Variants in TBL1XR1 observed in about 807,000 individuals in gnomAD.
TBL1XR1 encodes F-box-like/WD repeat-containing protein TBL1XR1.
In TBL1XR1, 5 loss-of-function variants were observed where a neutral mutation model predicts 66.9. The observed-to-expected ratio is 0.07, with a 90% confidence interval of 0.04 to 0.16. The LOEUF (loss-of-function observed/expected upper bound fraction) is 0.16. Among genes scored for constraint, TBL1XR1 ranks in the 10% least tolerant of loss-of-function variants. The pLI is 1.00. For synonymous variants in TBL1XR1, 210 were observed against 206.0 expected (o/e 1.02, Z -0.17); for missense variants, 238 against 623.2 (o/e 0.38, Z 6.58).
At chr3:177,060,431 G>A (rs1718367864) in intron 3 of TBL1XR1, among the ~76,000 whole-genome samples, 1 of 152,108 alleles carries the variant, frequency 6.6e-6, no homozygotes, top group Admixed American at 6.5e-5. Context: ...TCAATTATAA[G>A]ATGCAACTGT....
At chr3:177,038,563 T>C in intron 10 of TBL1XR1, 129 bp from the exon 11 acceptor site, 1 of 841,464 alleles carries the variant, frequency 1.2e-6, no homozygotes, top group Non-Finnish European at 1.7e-6. Flanking sequence ...TTATACTTTT[T>C]AAGATATTAA....
chr3:177,163,891 A>G (rs1560248575), intron 1 of TBL1XR1: 1 of 152,270 alleles, frequency 6.6e-6, no homozygotes, highest in Non-Finnish European at 1.5e-5. Context: ...AAATGTATCA[A>G]TAGTTTAGAT....
chr3:177,123,012 T>G (rs1727165814), intron 1 of TBL1XR1, among the ~76,000 whole-genome samples: 3 of 152,224 alleles, frequency 2.0e-5, no homozygotes, highest in Admixed American at 2.0e-4. Flanking sequence ...TCCCCACATT[T>G]TGTCTTGTGT....
At chr3:177,196,049 C>G (rs1736809604) in intron 1 of TBL1XR1, among the ~76,000 whole-genome samples, 2 of 152,096 alleles carry the variant, frequency 1.3e-5, no homozygotes, top group Non-Finnish European at 2.9e-5. Context: ...AGCCACAACC[C>G]AAATTTTACA....
intron 2 of TBL1XR1, among the ~76,000 whole-genome samples, chr3:177,086,558 C>T (rs1217606108): frequency 1.3e-5 from 2 of 151,930 alleles, no homozygotes; most frequent in African/African-American, 2.4e-5. Context: ...GTTGGAGCAA[C>T]GGAAGTCTCT....
chr3:177,199,004 CT>C (rs1381968111), upstream of TBL1XR1, among the ~76,000 whole-genome samples: 2 of 152,226 alleles, frequency 1.3e-5, no homozygotes, highest in East Asian at 1.9e-4. Context: ...TCTTTCCCCC[CT>C]GAGCCCTTGC....
At chr3:177,042,886 GGA>G in intron 10 of TBL1XR1, among the ~76,000 whole-genome samples, 1 of 151,980 alleles carries the variant, frequency 6.6e-6, no homozygotes, top group African/African-American at 2.4e-5. Context: ...GAGCGAAGAA[GGA>G]TGCATTTATT....
chr3:177,148,587 T>C (rs1320403992), intron 1 of TBL1XR1, among the ~76,000 whole-genome samples: 1 of 152,024 alleles, frequency 6.6e-6, no homozygotes, highest in Non-Finnish European at 1.5e-5. Context: ...TGGTGCCGCA[T>C]GCCTGTAATT....
intron 2 of TBL1XR1, among the ~76,000 whole-genome samples, chr3:177,084,118 A>C (rs1035194494): frequency 3.9e-5 from 6 of 152,114 alleles, no homozygotes; most frequent in Non-Finnish European, 8.8e-5. Context: ...AAGAAAAGAA[A>C]AGAAAAAACT....
intron 2 of TBL1XR1, among the ~76,000 whole-genome samples, chr3:177,070,413 A>G (rs1160281993): frequency 6.6e-6 from 1 of 152,384 alleles, no homozygotes; most frequent in East Asian, 1.9e-4. Flanking sequence ...GGGAACAAAG[A>G]AGGACAAGAA....
chr3:177,077,724 C>T (rs1720868112), intron 2 of TBL1XR1, among the ~76,000 whole-genome samples: 1 of 152,214 alleles, frequency 6.6e-6, no homozygotes, highest in Non-Finnish European at 1.5e-5. Flanking sequence ...GTTTCAACTG[C>T]ACTTGTTGAA....
chr3:177,119,409 C>A (rs542931586), intron 1 of TBL1XR1, among the ~76,000 whole-genome samples: 2 of 152,096 alleles, frequency 1.3e-5, no homozygotes, highest in Non-Finnish European at 2.9e-5. Flanking sequence ...TTTTTCCAAT[C>A]GATGGCTGGA....
intron 14 of TBL1XR1, chr3:177,027,701 C>G (rs909524881): frequency 6.6e-6 from 1 of 152,218 alleles, no homozygotes; most frequent in African/African-American, 2.4e-5. Flanking sequence ...GAATGTTTGA[C>G]CGAGCTTTCC....
At chr3:177,044,277 G>T (rs1716014159) in intron 10 of TBL1XR1, among the ~76,000 whole-genome samples, 1 of 152,106 alleles carries the variant, frequency 6.6e-6, no homozygotes, top group South Asian at 2.1e-4. Context: ...TGAACAATGT[G>T]AGGGTTAGGA....
intron 2 of TBL1XR1, among the ~76,000 whole-genome samples, chr3:177,069,389 T>C (rs998125009): frequency 6.6e-6 from 1 of 152,022 alleles, no homozygotes; most frequent in Non-Finnish European, 1.5e-5. Context: ...CACATGATGT[T>C]TATTAAGACT....
chr3:177,071,031 G>GTTTTTTTTTTTTTTTTTTTTT lies in TBL1XR1; in HGVS notation c.-45-6010_-45-6009insAAAAAAAAAAAAAAAAAAAAA, dbSNP rs764951521. On this transcript the variant is annotated intron_variant, in intron 2 of 15. Transcript: ENST00000457928. ...TGGAACAGACATGTTCTGAGAATCT[G>GTTTTTTTTTTTTTTTTTTTTT]TTTTTTTTTTTTTTTTTGAGACAGA... Among the ~76,000 whole-genome samples, 59 of 104,678 alleles carry GTTTTTTTTTTTTTTTTTTTTT rather than the reference G, an allele frequency of 5.6e-4. 8 individuals are homozygous for GTTTTTTTTTTTTTTTTTTTTT. The highest frequency in any genetic ancestry group is 2.1e-3 in the African/African-American group (54 of 25,840). The allele number at this position is 104,678 out of a possible 152,430, so 68.7% of individuals were successfully genotyped here. A position where few individuals can be genotyped will look rare whatever the true frequency, so the allele number is the denominator to read the frequency against.
chr3:177,174,075 T>G (rs577165020), intron 1 of TBL1XR1, among the ~76,000 whole-genome samples: 2 of 152,288 alleles, frequency 1.3e-5, no homozygotes, highest in African/African-American at 4.8e-5. Context: ...TTCACGTGAC[T>G]ATTCTCAAAT....
Position 177,051,511 on chromosome 3 carries a change from A to G in TBL1XR1, c.420T>C (p.Thr140=). The G allele has an allele frequency of 5.6e-6, 9 of 1,607,264 alleles. No homozygotes were observed. The highest frequency in any genetic ancestry group is 5.9e-6 in the Non-Finnish European group (7 of 1,177,646). The change falls in exon 5 of 16, where the codon ACT becomes ACC. Residue 140 remains threonine, a synonymous_variant. Coordinates refer to ENST00000457928, the MANE Select transcript of TBL1XR1 (RefSeq NM_024665.7). The stretch of plus-strand genomic sequence containing the variant: ...ATTCTTGTCTGAGCTCACTTGCTAT[A>G]GTATGTGCTCCATTCTCCTCCCCAT... ...TANGEENGAH[T]IANNHTDMME...
intron 2 of TBL1XR1, among the ~76,000 whole-genome samples, chr3:177,072,312 T>C (rs763407867): frequency 6.6e-6 from 1 of 152,212 alleles, no homozygotes; most frequent in Non-Finnish European, 1.5e-5. Context: ...AAATTACTTT[T>C]ATGGTATTAC....
Sources: gnomAD v4.1 joint callset for allele counts (sites outside exome capture counted in the v4.1 genomes callset) on GRCh38, gnomAD v4.1.1 for gene constraint, MANE v1.5 for transcripts, NCBI Gene and HGNC (gene_info 2026-07-23, HGNC 2026-07-21) for gene names.